The following XRRA1 variants were observed in gnomAD, a reference collection of about 807,000 sequenced individuals.
The protein encoded by XRRA1 is X-ray radiation resistance-associated protein 1.
A neutral mutation model predicts 80.2 loss-of-function variants in XRRA1; 69 were observed. The ratio of observed to expected loss-of-function variants is 0.86; its 90% CI spans 0.71 to 1.05. XRRA1 has a LOEUF of 1.05. XRRA1 is among the 50% of genes least tolerant of loss of function. XRRA1 has a pLI of 0.00. For synonymous variants in XRRA1, 348 were observed against 389.9 expected, an observed-to-expected ratio of 0.89 and a Z score of 1.27; for missense variants, 967 against 976.4, an observed-to-expected ratio of 0.99 and a Z score of 0.13.
At chr11:74,874,031 A>G (rs1331753197) in intron 10 of XRRA1, among the ~76,000 whole-genome samples, 1 of 151,800 alleles carries the variant, frequency 6.6e-6, no homozygotes, top group Non-Finnish European at 1.5e-5. Flanking sequence ...AAGTCAAGAG[A>G]TCAAGACCAT....
At chr11:74,865,289 G>GAA (rs2043163295) in intron 10 of XRRA1, among the ~76,000 whole-genome samples, 2 of 152,272 alleles carry the variant, frequency 1.3e-5, no homozygotes, top group Admixed American at 1.3e-4. Flanking sequence ...ATCCTGTGTG[G>GAA]GCCCAGTCTG....
chr11:74,855,549 T>C (rs1338442034), intron 12 of XRRA1, among the ~76,000 whole-genome samples: 2 of 152,230 alleles, frequency 1.3e-5, no homozygotes, highest in Non-Finnish European at 2.9e-5. Flanking sequence ...GTGAGCTGAA[T>C]GTTCTGGAGA....
chr11:74,936,470 C>T (rs1945010182), intron 4 of XRRA1, among the ~76,000 whole-genome samples: 1 of 152,226 alleles, frequency 6.6e-6, no homozygotes, highest in South Asian at 2.1e-4. Context: ...GACTGTTTCC[C>T]CTGACCTGCT....
rs755415896 is a variant in XRRA1, at chr11:74,843,309, A to G, written c.2294T>C (p.Leu765Pro). Reference protein sequence around the residue: ...SLRTVFGTTPLPMACPALSES... With the variant: ...SLRTVFGTTPPPMACPALSES... ...ACTCAGCGCTGGGCAGGCCATGGGG[A>G]GCGGGGTAGTCCCGAACACTGTGCG... The change falls in exon 19 of 19, where the codon CTC (leucine) becomes CCC (proline). Residue 765 changes from leucine to proline, a missense_variant. Transcript: ENST00000684022. 1.2e-6 allele frequency: 2 copies of G among 1,603,878 alleles called. No homozygotes were observed. The highest frequency in any genetic ancestry group is 1.7e-5 in the Admixed American group (1 of 58,494).
intron 2 of XRRA1, among the ~76,000 whole-genome samples, chr11:74,942,139 G>A (rs1423525478): frequency 6.6e-6 from 1 of 152,046 alleles, no homozygotes; most frequent in African/African-American, 2.4e-5. Context: ...AGCCCCTGGA[G>A]GATTCAGAAA....
Position 74,888,183 on chromosome 11 carries a change from G to A in XRRA1, c.1003+18056C>T, listed in dbSNP as rs190110921. 4.6e-3 allele frequency among the ~76,000 whole-genome samples: 695 copies of A among 152,122 alleles called. 11 individuals carry two copies. The highest frequency in any genetic ancestry group is 3.3e-3 in the Non-Finnish European group (224 of 67,940). ...TGGGAGGCACCCCCCAGTAGGGGCA[G>A]ACTGACACCTCACATGGCCAGGTAC... On this transcript the variant is annotated intron_variant, in intron 10 of 18. Transcript: ENST00000684022.
chr11:74,922,558 C>T (rs1181583473), intron 7 of XRRA1, among the ~76,000 whole-genome samples: 2 of 152,150 alleles, frequency 1.3e-5, no homozygotes, highest in Non-Finnish European at 2.9e-5. Flanking sequence ...TCCCTGTGCC[C>T]CCCTCCTCAA....
At chr11:74,872,431 G>A (rs1231171519) in intron 10 of XRRA1, among the ~76,000 whole-genome samples, 3 of 152,162 alleles carry the variant, frequency 2.0e-5, no homozygotes. Context: ...TTCATAATAG[G>A]GACCAGAAGG....
Position 74,843,290 on chromosome 11 carries a change from C to T in XRRA1, c.2313G>A (p.Ala771=), listed in dbSNP as rs370338801. Residue 771 remains alanine, a synonymous_variant, in exon 19 of 19, where the codon GCG becomes GCA. Coordinates refer to ENST00000684022, the MANE Select transcript of XRRA1 (RefSeq NM_001378157.1). ...CGAACTTGGGCTGGCTCTCACTCAG[C>T]GCTGGGCAGGCCATGGGGAGCGGGG... The part of the protein sequence containing the change: ...GTTPLPMACP[A]LSESQPKFGH... The T allele has an allele frequency of 1.4e-4, 225 of 1,593,920 alleles. 1 individual carries two copies. The South Asian group carries it at 1.8e-3, about 13-fold the overall frequency.
In XRRA1 at chr11:74,906,288, C is replaced by A. The variant is rs943629535; in HGVS notation, c.954G>T (p.Glu318Asp). 6.2e-7 allele frequency: 1 copy of A among 1,613,954 alleles called. No individual in the cohort carries two copies. The highest frequency in any genetic ancestry group is 8.5e-7 in the Non-Finnish European group (1 of 1,179,892). Residue 318 changes from glutamate (E) to aspartate (D), a missense_variant, in exon 10 of 19, where the codon GAG (glutamate) becomes GAT (aspartate). By Grantham distance (45) the Glu-to-Asp change is conservative. Transcript: ENST00000684022. ...SKPRMLEDSD[E>D]QLDYTVLPMK... Reference sequence around the variant, plus strand: ...TGGGCAGTACAGTATAATCCAGTTGCTCATCTGAGTCCTCAAGCATCCTTG... The same window carrying A: ...TGGGCAGTACAGTATAATCCAGTTGATCATCTGAGTCCTCAAGCATCCTTG...
intron 10 of XRRA1, among the ~76,000 whole-genome samples, chr11:74,892,373 T>G (rs191540135): frequency 0.026 from 3,968 of 152,218 alleles, 63 homozygotes; most frequent in Non-Finnish European, 0.042. Context: ...TGAAACTGGA[T>G]CCCGTCCTTA....
chr11:74,872,269 C>G (rs1255650070), intron 10 of XRRA1, among the ~76,000 whole-genome samples: 1 of 152,152 alleles, frequency 6.6e-6, no homozygotes, highest in Non-Finnish European at 1.5e-5. Flanking sequence ...ATAAAACACA[C>G]CTCCTTATCC....
chr11:74,941,162 C>A (rs1163523002), intron 2 of XRRA1, among the ~76,000 whole-genome samples: 1 of 152,198 alleles, frequency 6.6e-6, no homozygotes, highest in Non-Finnish European at 1.5e-5. Flanking sequence ...TGAATCCTGG[C>A]TCTGTCTTTC....
chr11:74,900,869 G>A (rs970806972), intron 10 of XRRA1, among the ~76,000 whole-genome samples: 3 of 152,288 alleles, frequency 2.0e-5, no homozygotes, highest in Admixed American at 6.5e-5. Context: ...GGGAAAAACT[G>A]AAAGCCTTTC....
intron 10 of XRRA1, among the ~76,000 whole-genome samples, chr11:74,896,157 G>GA (rs746367034): frequency 2.6e-5 from 4 of 152,240 alleles, no homozygotes; most frequent in Non-Finnish European, 5.9e-5. Context: ...AAAAGTAAAA[G>GA]AGAGTTTGTC....
intron 4 of XRRA1, among the ~76,000 whole-genome samples, chr11:74,935,113 GATA>G (rs1208867494): frequency 1.3e-5 from 2 of 152,198 alleles, no homozygotes; most frequent in Admixed American, 1.3e-4. Context: ...TATAGGTCTG[GATA>G]ATGAGATACT....
At chr11:74,910,508 A>T (rs564513866) in intron 8 of XRRA1, among the ~76,000 whole-genome samples, 6 of 152,326 alleles carry the variant, frequency 3.9e-5, no homozygotes, top group African/African-American at 1.2e-4. Flanking sequence ...AGACAAAAAA[A>T]ATAGCAAGAA....
chr11:74,876,866 G>A (rs775520880), intron 10 of XRRA1: 2 of 152,128 alleles, frequency 1.3e-5, no homozygotes, highest in African/African-American at 4.8e-5. Flanking sequence ...TTTTCCTCTC[G>A]AGATTCGCTG....
chr11:74,890,156 G>A (rs893747480), intron 10 of XRRA1, among the ~76,000 whole-genome samples: 42 of 152,146 alleles, frequency 2.8e-4, no homozygotes, highest in African/African-American at 9.7e-4. Context: ...TGGAAGTAAA[G>A]CACTCATCAG....
Sources: allele counts gnomAD v4.1 joint callset (sites outside exome capture counted in the v4.1 genomes callset), GRCh38; gene constraint gnomAD v4.1.1; transcripts MANE v1.5; gene names NCBI Gene and HGNC (gene_info 2026-07-23, HGNC 2026-07-21).